ZNF654: variants seen among roughly 807,000 people sequenced by gnomAD.
ZNF654 encodes the protein zinc finger protein 654.
Under a neutral mutation model 95.3 loss-of-function variants are expected in ZNF654, and 19 were observed. The observed-to-expected ratio is 0.20, with a 90% confidence interval of 0.14 to 0.29. The LOEUF is 0.29. Among genes scored for constraint, ZNF654 ranks in the 10% least tolerant of loss-of-function variants. The pLI is 1.00. For missense variants in ZNF654, 1,046 were observed against 1,341.0 expected (o/e 0.78, Z 3.44); for synonymous variants, 413 against 457.9 (o/e 0.90, Z 1.25).
intron 2 of ZNF654, among the ~76,000 whole-genome samples, chr3:88,100,488 ATT>A (rs1299622476): frequency 6.6e-6 from 1 of 152,074 alleles, no homozygotes; most frequent in Non-Finnish European, 1.5e-5. Context: ...TACCCAGAGG[ATT>A]ATAAATCATG....
chr3:88,100,202 C>T (rs1230971749), intron 2 of ZNF654, among the ~76,000 whole-genome samples: 1 of 152,158 alleles, frequency 6.6e-6, no homozygotes, highest in Non-Finnish European at 1.5e-5. Context: ...GACATTTATG[C>T]AGCCAACAGA....
intron 6 of ZNF654, among the ~76,000 whole-genome samples, chr3:88,133,918 A>T (rs4414876): frequency 6.6e-6 from 1 of 151,810 alleles, no homozygotes; most frequent in African/African-American, 2.4e-5. Flanking sequence ...AGGAATGTTT[A>T]GTGTCACTGC....
chr3:88,087,731 A>G (rs1432863701), intron 2 of ZNF654, among the ~76,000 whole-genome samples: 1 of 152,216 alleles, frequency 6.6e-6, no homozygotes, highest in Non-Finnish European at 1.5e-5. Context: ...CTCATAGGAT[A>G]AGTATTATTA....
chr3:88,128,470 G>A (rs1706251573), intron 4 of ZNF654, among the ~76,000 whole-genome samples: 1 of 151,818 alleles, frequency 6.6e-6, no homozygotes, highest in Non-Finnish European at 1.5e-5. Context: ...TGTAATCTTA[G>A]ACTAAAAAGA....
intron 2 of ZNF654, among the ~76,000 whole-genome samples, chr3:88,112,201 A>G (rs1171122584): frequency 6.6e-6 from 1 of 151,832 alleles, no homozygotes; most frequent in African/African-American, 2.4e-5. Context: ...TTTAGGTCTT[A>G]TATAATTTTA....
chr3:88,130,426 C>A (rs1187967227), intron 6 of ZNF654, among the ~76,000 whole-genome samples: 1 of 151,672 alleles, frequency 6.6e-6, no homozygotes, highest in Non-Finnish European at 1.5e-5. Flanking sequence ...AATCATAATA[C>A]TTCAATATTC....
intron 2 of ZNF654, among the ~76,000 whole-genome samples, chr3:88,093,961 G>A (rs966810236): frequency 6.6e-6 from 1 of 152,018 alleles, no homozygotes. Flanking sequence ...TTATATTGAC[G>A]AACAATTATT....
chr3:88,066,416 A>C (rs1266327135), intron 1 of ZNF654, among the ~76,000 whole-genome samples: 1 of 152,082 alleles, frequency 6.6e-6, no homozygotes, highest in Non-Finnish European at 1.5e-5. Flanking sequence ...TCTACAAAAA[A>C]ACAAAAATTT....
intron 5 of ZNF654, 92 bp from the exon 6 acceptor site, chr3:88,129,594 TA>T: frequency 2.0e-6 from 2 of 1,022,316 alleles, no homozygotes; most frequent in Non-Finnish European, 2.7e-6. Flanking sequence ...ACTAGAAATC[TA>T]AGCAATTTCT....
chr3:88,060,804 A>G (rs764861162), intron 1 of ZNF654, among the ~76,000 whole-genome samples: 18 of 152,052 alleles, frequency 1.2e-4, no homozygotes, highest in Admixed American at 9.2e-4. Flanking sequence ...ATTTCTTTCA[A>G]TGCTTGTAAG....
chr3:88,113,586 A>G (rs1339690281), intron 3 of ZNF654, among the ~76,000 whole-genome samples: 1 of 152,108 alleles, frequency 6.6e-6, no homozygotes, highest in African/African-American at 2.4e-5. Context: ...GCTAGGAGAC[A>G]GAAGATTTTT....
chr3:88,061,991 C>CA (rs1443181504), intron 1 of ZNF654, among the ~76,000 whole-genome samples: 1 of 152,024 alleles, frequency 6.6e-6, no homozygotes, highest in Non-Finnish European at 1.5e-5. Context: ...GTTGTGTGGG[C>CA]AAAGGGAGAG....
At chr3:88,067,739 G>T (rs532255572) in intron 1 of ZNF654, among the ~76,000 whole-genome samples, 1 of 152,216 alleles carries the variant, frequency 6.6e-6, no homozygotes, top group Non-Finnish European at 1.5e-5. Flanking sequence ...TTTTGGTGTA[G>T]TGATGGGATC....
At chr3:88,091,084 C>T (rs1205456619) in intron 2 of ZNF654, among the ~76,000 whole-genome samples, 1 of 152,108 alleles carries the variant, frequency 6.6e-6, no homozygotes, top group Admixed American at 6.5e-5. Flanking sequence ...GTTTGTAGCC[C>T]AGGTGTGTAG....
rs1176116810 is a variant in ZNF654, at chr3:88,143,406, T to G, written c.*1754T>G. The G allele has an allele frequency of 1.3e-5, 2 of 151,888 alleles. No individual in the cohort carries two copies. Among genetic ancestry groups the G allele is most frequent in the African/African-American group, 2.4e-5 (1 of 41,334 alleles). The allele number at this position is 151,888 out of a possible 1,614,324, so 9.4% of individuals were successfully genotyped here. On this transcript the variant is annotated 3_prime_UTR_variant, in exon 9 of 9. Transcript: ENST00000636215. ...TTAAAATCTTTTCTTTAAGGTCAGCTAAAAAAAATGTTTCCTGTATTTCTT... is the reference window on the plus strand; with the variant it reads ...TTAAAATCTTTTCTTTAAGGTCAGCGAAAAAAAATGTTTCCTGTATTTCTT...
intron 3 of ZNF654, among the ~76,000 whole-genome samples, chr3:88,119,780 T>C (rs1705659854): frequency 6.6e-6 from 1 of 152,162 alleles, no homozygotes; most frequent in African/African-American, 2.4e-5. Context: ...ATTAATATGA[T>C]AGCCATATTA....
intron 2 of ZNF654, among the ~76,000 whole-genome samples, chr3:88,110,826 A>G (rs775109698): frequency 7.2e-5 from 11 of 152,140 alleles, no homozygotes; most frequent in African/African-American, 1.4e-4. Context: ...ACTTTTCTTC[A>G]TAAATACTTG....
intron 4 of ZNF654, among the ~76,000 whole-genome samples, chr3:88,126,812 GACTA>G (rs762100346): frequency 1.6e-4 from 24 of 152,060 alleles, no homozygotes; most frequent in Non-Finnish European, 2.9e-4. Flanking sequence ...GTGAATAAGT[GACTA>G]ACTGAATGAA....
At chr3:88,094,432 G>T (rs1703935489) in intron 2 of ZNF654, among the ~76,000 whole-genome samples, 1 of 152,056 alleles carries the variant, frequency 6.6e-6, no homozygotes, top group Non-Finnish European at 1.5e-5. Context: ...ATTTCTGTTG[G>T]TAGGGATGGA....
Sources: allele counts gnomAD v4.1 joint callset (sites outside exome capture counted in the v4.1 genomes callset), GRCh38; gene constraint gnomAD v4.1.1; transcripts MANE v1.5; gene names NCBI Gene and HGNC (gene_info 2026-07-23, HGNC 2026-07-21).